The following CPNE7 variants were observed in gnomAD, a reference collection of about 807,000 sequenced individuals.
CPNE7 encodes the protein copine-7.
CPNE7 carries 78 observed loss-of-function variants against 66.5 expected under a neutral mutation model. That is an observed-to-expected ratio of 1.17 (90% CI 0.98 to 1.42). CPNE7 has a LOEUF of 1.42. CPNE7 is among the 40% of genes most tolerant of loss of function. The pLI is 0.00. For synonymous variants in CPNE7, 468 were observed against 336.7 expected (o/e 1.39, Z -4.27); for missense variants, 1,012 against 776.6 (o/e 1.30, Z -3.60).
At chr16:89,576,695 G>A (rs1182060030) in intron 1 of CPNE7, among the ~76,000 whole-genome samples, 9 of 152,158 alleles carry the variant, frequency 5.9e-5, no homozygotes. Flanking sequence ...GCAGCGGGCG[G>A]AGGAGCCGGA....
intron 9 of CPNE7, chr16:89,587,720 CCCCGTG>C (rs1378308433): frequency 5.0e-6 from 1 of 198,438 alleles, no homozygotes; most frequent in Non-Finnish European, 1.2e-5. Flanking sequence ...CCCATAGCAC[CCCCGTG>C]TCACCCACAG....
At chr16:89,576,618 C>T (rs1186217221) in intron 1 of CPNE7, among the ~76,000 whole-genome samples, 4 of 152,326 alleles carry the variant, frequency 2.6e-5, no homozygotes, top group African/African-American at 9.6e-5. Context: ...GGCGCTTCCT[C>T]GGTCACCATC....
At chr16:89,579,682 C>A (rs1262325651) in intron 2 of CPNE7, among the ~76,000 whole-genome samples, 1 of 143,588 alleles carries the variant, frequency 7.0e-6, no homozygotes, top group Non-Finnish European at 1.5e-5. Flanking sequence ...TCACATGGAA[C>A]ATCCCGTCAT....
intron 9 of CPNE7, among the ~76,000 whole-genome samples, chr16:89,588,442 G>C (rs2059118587): frequency 6.6e-6 from 1 of 152,178 alleles, no homozygotes; most frequent in Admixed American, 6.5e-5. Flanking sequence ...GGTGATCCTG[G>C]TGGGGTGTCC....
chr16:89,581,291 A>T (rs536509828), intron 2 of CPNE7, among the ~76,000 whole-genome samples: 2 of 137,408 alleles, frequency 1.5e-5, no homozygotes, highest in East Asian at 4.6e-4. Flanking sequence ...CACCAGTCAC[A>T]CAGAACATCC....
At chr16:89,578,415 C>T (rs1031439838) in intron 2 of CPNE7, among the ~76,000 whole-genome samples, 6 of 152,100 alleles carry the variant, frequency 3.9e-5, no homozygotes, top group African/African-American at 1.4e-4. Context: ...GTTCTGCATC[C>T]TGCGTTTTCA....
In CPNE7 at chr16:89,584,226, C is replaced by A; in HGVS notation, c.507+124C>A. 1 of 976,436 alleles carries A rather than the reference C, an allele frequency of 1.0e-6. No homozygotes were observed. The highest frequency in any genetic ancestry group is 1.5e-6 in the Non-Finnish European group (1 of 668,314). 60.5% of individuals were successfully genotyped at this position (976,436 alleles called of 1,614,324 possible). ...CCGTGTGAGACGTGTGCGGAGTGTG[C>A]CTGGGGCTGGGCGTGCTGCCGTCAC... On this transcript the variant is annotated intron_variant, in intron 4 of 14. Coordinates refer to ENST00000319518, the MANE Select transcript of CPNE7 (RefSeq NM_153636.3). This position sits in a 1 kb window ranked among gnomAD's most constrained non-coding sequence, Gnocchi z 6.0.
In CPNE7 at chr16:89,595,675, C is replaced by G. The variant is rs1304729731; in HGVS notation, c.1539+72C>G. On this transcript the variant is annotated intron_variant, in intron 14 of 14. Transcript: ENST00000319518. ...GTTCATGTCACTGCCCAAGACCTTCCCAGGCCAGGCTCACGCCAGTGGATG... is the reference window on the plus strand; with the variant it reads ...GTTCATGTCACTGCCCAAGACCTTCGCAGGCCAGGCTCACGCCAGTGGATG... 5.2e-6 allele frequency: 7 copies of G among 1,333,364 alleles called. No individual in the cohort carries two copies. In the East Asian group the frequency reaches 1.6e-4, roughly 31 times the overall value. 82.6% of individuals were successfully genotyped at this position (1,333,364 alleles called of 1,614,324 possible).
chr16:89,585,806 G>A (rs1163665638), intron 7 of CPNE7, 21 bp downstream of exon 7: 2 of 1,317,350 alleles, frequency 1.5e-6, no homozygotes, highest in East Asian at 3.2e-5. Flanking sequence ...CGGGGTAGGG[G>A]GTCCTCCAGG....
chr16:89,594,642 CTTTTT>C (rs57032352), intron 13 of CPNE7, among the ~76,000 whole-genome samples: 4 of 86,900 alleles, frequency 4.6e-5, no homozygotes, highest in African/African-American at 1.7e-4. Flanking sequence ...TCCATTCTGC[CTTTTT>C]TTTTTTTTTT....
chr16:89,590,458 G>C (rs1443125357), intron 11 of CPNE7, among the ~76,000 whole-genome samples: 2 of 152,116 alleles, frequency 1.3e-5, no homozygotes, highest in African/African-American at 4.8e-5. Flanking sequence ...CCGGGAGGCA[G>C]AGGTTGCACT....
chr16:89,595,862 A>C (rs759226651), intron 14 of CPNE7: 1 of 630,352 alleles, frequency 1.6e-6, no homozygotes, highest in South Asian at 1.5e-5. Flanking sequence ...CCTGGGATCC[A>C]CCACGCGGCT....
intron 13 of CPNE7, among the ~76,000 whole-genome samples, 196 bp downstream of exon 13, chr16:89,591,456 C>G (rs1455239813): frequency 6.6e-6 from 1 of 152,230 alleles, no homozygotes; most frequent in Non-Finnish European, 1.5e-5. Flanking sequence ...GGGCACAGGG[C>G]TGTCCATCGC....
At chr16:89,587,522 A>C (rs752525026) in intron 9 of CPNE7, 72 of 452,654 alleles carry the variant, frequency 1.6e-4, no homozygotes, top group South Asian at 9.9e-4. Context: ...TGACATCACC[A>C]GGGCTTACCT....
chr16:89,588,546 C>A, intron 9 of CPNE7, 129 bp from the exon 10 acceptor site: 1 of 1,170,272 alleles, frequency 8.5e-7, no homozygotes, highest in Non-Finnish European at 1.2e-6. Flanking sequence ...CAGCAGCCCC[C>A]CAGCCCTACC....
At chr16:89,587,589 G>A (rs1210478208) in intron 9 of CPNE7, 12 of 418,598 alleles carry the variant, frequency 2.9e-5, no homozygotes, top group Non-Finnish European at 4.9e-5. Flanking sequence ...TGGAGTGAGC[G>A]TTTGAGTGAA....
intron 3 of CPNE7, 128 bp downstream of exon 3, chr16:89,583,899 C>G: frequency 7.0e-7 from 1 of 1,437,142 alleles, no homozygotes; most frequent in Non-Finnish European, 9.6e-7. Context: ...GCTACACAGC[C>G]CCGGGGGTAC....
chr16:89,595,983 C>T (rs1295602938), intron 14 of CPNE7: 40 of 499,514 alleles, frequency 8.0e-5, no homozygotes, highest in Admixed American at 4.0e-4. Context: ...CCCGGTGAGA[C>T]GCACAGCACA....
rs1441384156 is a variant in CPNE7 at position 89,583,777 on chromosome 16, A to G, written c.432+6A>G. ...CTGGCAAGTCCACCATCACGGTGAGACCCGGGCGCACCCCTGCAGCCTGCA... is the reference window on the plus strand; with the variant it reads ...CTGGCAAGTCCACCATCACGGTGAGGCCCGGGCGCACCCCTGCAGCCTGCA... On this transcript the variant is annotated splice_donor_region_variant and intron_variant, in intron 3 of 14. Transcript: ENST00000319518. 1.2e-6 allele frequency: 2 copies of G among 1,612,210 alleles called. No individual in the cohort carries two copies. The highest frequency in any genetic ancestry group is 1.7e-6 in the Non-Finnish European group (2 of 1,179,730).
Sources: gnomAD v4.1 joint callset for allele counts (sites outside exome capture counted in the v4.1 genomes callset) on GRCh38, gnomAD v4.1.1 for gene constraint, Gnocchi (gnomAD v3.1) non-coding constraint, MANE v1.5 for transcripts, NCBI Gene and HGNC (gene_info 2026-07-23, HGNC 2026-07-21) for gene names.